The following ENTREP2 variants were observed in gnomAD, a reference collection of about 807,000 sequenced individuals.
ENTREP2 encodes endosomal transmembrane epsin interactor 2.
At chr15:29,657,296 C>T in the ENTREP2 span, among the ~76,000 whole-genome samples, 5 of 151,760 alleles carry the variant, frequency 3.3e-5, no homozygotes, top group African/African-American at 1.2e-4. Context: ...TCTCGACCTC[C>T]TGATCCACCT....
chr15:29,429,691 T>A, the ENTREP2 span, among the ~76,000 whole-genome samples: 5 of 152,178 alleles, frequency 3.3e-5, no homozygotes. Flanking sequence ...GACAAATTCG[T>A]CTGTGGTTGA....
At chr15:29,165,152 C>A in the ENTREP2 span, among the ~76,000 whole-genome samples, 1 of 151,994 alleles carries the variant, frequency 6.6e-6, no homozygotes, top group Non-Finnish European at 1.5e-5. Context: ...CCTACCAAAA[C>A]CTCTGGGATA....
the ENTREP2 span, among the ~76,000 whole-genome samples, chr15:29,326,734 A>C: frequency 6.6e-6 from 1 of 152,164 alleles, no homozygotes; most frequent in Non-Finnish European, 1.5e-5. Context: ...GAAGAGGCCA[A>C]AGACCTAGAA....
At chr15:29,135,180 G>A in the ENTREP2 span, among the ~76,000 whole-genome samples, 11 of 149,832 alleles carry the variant, frequency 7.3e-5, no homozygotes, top group Non-Finnish European at 1.5e-4. This position sits in a 1 kb window ranked among gnomAD's most constrained non-coding sequence, Gnocchi z 7.4. Context: ...CCAACTCACT[G>A]CTGTGTTCCC....
At chr15:29,310,567 TC>T in the ENTREP2 span, among the ~76,000 whole-genome samples, 3 of 152,146 alleles carry the variant, frequency 2.0e-5, no homozygotes, top group Admixed American at 2.0e-4. Flanking sequence ...AAATGGAGCC[TC>T]TGACAGGAGA....
chr15:29,551,232 A>T, the ENTREP2 span, among the ~76,000 whole-genome samples: 1 of 152,138 alleles, frequency 6.6e-6, no homozygotes, highest in Non-Finnish European at 1.5e-5. Flanking sequence ...TGGCTTTGCC[A>T]ATCAGGGGAG....
At chr15:29,489,267 T>C in the ENTREP2 span, among the ~76,000 whole-genome samples, 1 of 152,140 alleles carries the variant, frequency 6.6e-6, no homozygotes, top group Non-Finnish European at 1.5e-5. Flanking sequence ...GAGAGAAATA[T>C]GGAGCGAGGG....
chr15:29,450,727 A>G, the ENTREP2 span, among the ~76,000 whole-genome samples: 8 of 152,244 alleles, frequency 5.3e-5, no homozygotes, highest in African/African-American at 1.9e-4. Flanking sequence ...ATGCCCATCA[A>G]TGGTAGACTG....
At chr15:29,216,558 G>A in the ENTREP2 span, among the ~76,000 whole-genome samples, 4 of 152,230 alleles carry the variant, frequency 2.6e-5, no homozygotes, top group Admixed American at 1.3e-4. Flanking sequence ...CCCCAAATAT[G>A]TTTTCCAAGC....
At chr15:29,420,223 T>C in the ENTREP2 span, among the ~76,000 whole-genome samples, 2 of 152,084 alleles carry the variant, frequency 1.3e-5, no homozygotes, top group African/African-American at 4.8e-5. Context: ...ATCAAGGAAG[T>C]AGATATGCTG....
the ENTREP2 span, among the ~76,000 whole-genome samples, chr15:29,325,749 A>G: frequency 6.6e-6 from 1 of 152,202 alleles, no homozygotes; most frequent in Non-Finnish European, 1.5e-5. Context: ...AATTTATTCT[A>G]TGAGGCCAGC....
chr15:29,570,637 G>C, the ENTREP2 span: 1 of 1,398,602 alleles, frequency 7.2e-7, no homozygotes, highest in East Asian at 3.2e-5. Flanking sequence ...GCACGATGCG[G>C]GAGCGGCCCG....
At chr15:29,524,632 G>A in the ENTREP2 span, among the ~76,000 whole-genome samples, 1 of 152,236 alleles carries the variant, frequency 6.6e-6, no homozygotes, top group Non-Finnish European at 1.5e-5. Flanking sequence ...ACTCAGCCGT[G>A]CAGGAACAAT....
chr15:29,568,710 C>CAAAAAAAA, the ENTREP2 span, among the ~76,000 whole-genome samples: 71 of 128,156 alleles, frequency 5.5e-4, no homozygotes, highest in Non-Finnish European at 8.1e-4. Context: ...CCTCTTAAGG[C>CAAAAAAAA]AAAAAAAAAA....
chr15:29,249,863 G>A, the ENTREP2 span, among the ~76,000 whole-genome samples: 5 of 152,096 alleles, frequency 3.3e-5, no homozygotes, highest in African/African-American at 1.2e-4. Context: ...GGTGGAAAGT[G>A]AAGGGGGAGC....
the ENTREP2 span, among the ~76,000 whole-genome samples, chr15:29,371,083 C>T: frequency 2.6e-5 from 4 of 152,094 alleles, no homozygotes; most frequent in African/African-American, 9.7e-5. Flanking sequence ...AGGACAGGCA[C>T]AACTTGAGGT....
the ENTREP2 span, chr15:29,252,301 T>TA: frequency 1.0e-6 from 1 of 955,162 alleles, no homozygotes; most frequent in East Asian, 2.7e-5. Context: ...AAATTATTTT[T>TA]AAAATTGCTC....
the ENTREP2 span, among the ~76,000 whole-genome samples, chr15:29,545,465 A>C: frequency 2.0e-5 from 3 of 152,244 alleles, no homozygotes; most frequent in African/African-American, 7.2e-5. Flanking sequence ...TTAAGAGTCC[A>C]GTTTTGTGAT....
the ENTREP2 span, among the ~76,000 whole-genome samples, chr15:29,530,595 C>T: frequency 6.6e-6 from 1 of 152,212 alleles, no homozygotes; most frequent in Admixed American, 6.5e-5. Context: ...GACAAGGACA[C>T]TCCAGTGCAA....
Sources: allele counts gnomAD v4.1 joint callset (sites outside exome capture counted in the v4.1 genomes callset), GRCh38; gene constraint gnomAD v4.1.1; non-coding constraint Gnocchi (gnomAD v3.1); transcripts MANE v1.5; gene names NCBI Gene and HGNC (gene_info 2026-07-23, HGNC 2026-07-21).